The following PRKD3 variants were observed in gnomAD, a reference collection of about 807,000 sequenced individuals.
PRKD3 encodes protein kinase D3.
PRKD3 carries 47 observed loss-of-function variants against 99.2 expected under a neutral mutation model. The ratio of observed to expected loss-of-function variants is 0.47; its 90% CI spans 0.38 to 0.60. The LOEUF (loss-of-function observed/expected upper bound fraction) is 0.60. Ranked by LOEUF, PRKD3 falls within the 20% of genes least tolerant of loss-of-function variation. The pLI is 0.00. For missense variants in PRKD3, 1,019 were observed against 1,088.4 expected, an observed-to-expected ratio of 0.94 and a Z score of 0.90; for synonymous variants, 392 against 355.4, an observed-to-expected ratio of 1.10 and a Z score of -1.16.
intron 2 of PRKD3, among the ~76,000 whole-genome samples, chr2:37,310,127 C>G (rs918864474): frequency 6.6e-6 from 1 of 151,460 alleles, no homozygotes; most frequent in African/African-American, 2.4e-5. Flanking sequence ...TTCTATAAAG[C>G]ACAAATCAAA....
At chr2:37,257,667 A>C (rs1668075832) in intron 16 of PRKD3, among the ~76,000 whole-genome samples, 1 of 78,736 alleles carries the variant, frequency 1.3e-5, no homozygotes, top group African/African-American at 7.5e-5. Context: ...ACTCTGTCTC[A>C]AAAGAAAAAA....
chr2:37,315,377 G>C lies in PRKD3; in HGVS notation c.288+860C>G, dbSNP rs371605417. Among the ~76,000 whole-genome samples the C allele has an allele frequency of 6.8e-4, 103 of 152,198 alleles. 2 individuals are homozygous for C. The South Asian group carries it at 0.02, about 30-fold the overall frequency. On this transcript the variant is annotated intron_variant, in intron 2 of 18. Transcript: ENST00000234179. Reference sequence around the variant, plus strand: ...ACCCTGAATTTTCAAATATTTTGTCGTATATTCAAAATTAATTTACCTATT... The same window carrying C: ...ACCCTGAATTTTCAAATATTTTGTCCTATATTCAAAATTAATTTACCTATT...
At chr2:37,312,627 C>T (rs1671483864) in intron 2 of PRKD3, among the ~76,000 whole-genome samples, 1 of 152,120 alleles carries the variant, frequency 6.6e-6, no homozygotes, top group Non-Finnish European at 1.5e-5. Flanking sequence ...CTGAAGCAGT[C>T]TAGTGTTCTC....
chr2:37,289,298 C>T (rs1572670624), intron 5 of PRKD3, 58 bp downstream of exon 5: 7 of 1,556,582 alleles, frequency 4.5e-6, no homozygotes, highest in Non-Finnish European at 6.2e-6. Context: ...TGTCATACAC[C>T]CTGTAGAAAC....
intron 5 of PRKD3, among the ~76,000 whole-genome samples, chr2:37,287,430 T>C (rs921397994): frequency 6.6e-6 from 1 of 152,024 alleles, no homozygotes; most frequent in Admixed American, 6.6e-5. Context: ...CTCTGTCTCT[T>C]GTTTTTTTCT....
At chr2:37,306,702 G>C (rs553367045) in intron 2 of PRKD3, among the ~76,000 whole-genome samples, 91 of 152,220 alleles carry the variant, frequency 6.0e-4, no homozygotes, top group Admixed American at 4.8e-3. Context: ...CAGCTACTTA[G>C]GGAGGGTGAG....
chr2:37,314,495 G>A (rs6761897), intron 2 of PRKD3, among the ~76,000 whole-genome samples: 1,773 of 152,170 alleles, frequency 0.012, 27 homozygotes, highest in African/African-American at 0.041. Flanking sequence ...ACTGATTCTA[G>A]AATAATCCTG....
In PRKD3 at chr2:37,316,477, G is replaced by A; in HGVS notation, c.48C>T (p.Pro16=). 1 of 1,614,188 alleles carries A rather than the reference G, an allele frequency of 6.2e-7. No homozygotes were observed. The highest frequency in any genetic ancestry group is 8.5e-7 in the Non-Finnish European group (1 of 1,180,018). The change falls in exon 2 of 19, where the codon CCC becomes CCT. Residue 16 remains proline (P), a synonymous_variant. Coordinates refer to ENST00000234179, the MANE Select transcript of PRKD3 (RefSeq NM_005813.6). ...CTGGAAGCACAGCAGGAATAGCTGT[G>A]GGTAATACAGACTTCTGGGCTGATG... ...SPPSAQKSVL[P]TAIPAVLPAA...
chr2:37,286,168 TAATCC>T lies in PRKD3; in HGVS notation c.910+4_910+8del. 6.3e-7 allele frequency: 1 copy of T among 1,591,694 alleles called. No individual in the cohort carries two copies. Among genetic ancestry groups the T allele is most frequent in the South Asian group, 1.1e-5 (1 of 88,114 alleles). On this transcript the variant is annotated splice_donor_5th_base_variant and intron_variant, in intron 6 of 18. Coordinates refer to ENST00000234179, the MANE Select transcript of PRKD3 (RefSeq NM_005813.6). ...ATAAATTTTAATTAGGGAAAACACCTAATCCTACCTTTACACTGCATTCCTTGGCG... is the reference window on the plus strand; with the variant it reads ...ATAAATTTTAATTAGGGAAAACACCTTACCTTTACACTGCATTCCTTGGCG...
intron 7 of PRKD3, 66 bp from the exon 8 acceptor site, chr2:37,279,995 AAGTCTTAAG>A: frequency 9.1e-7 from 1 of 1,104,054 alleles, no homozygotes; most frequent in Non-Finnish European, 1.3e-6. Context: ...AATGTGAAAA[AAGTCTTAAG>A]AGTCTTAAAA....
Position 37,274,454 on chromosome 2 carries a change from CACTT to C in PRKD3, c.1614_1617del (p.Ser539PhefsTer67). 1.2e-6 allele frequency: 2 copies of C among 1,614,104 alleles called. No homozygotes were observed. Among genetic ancestry groups the C allele is most frequent in the Non-Finnish European group, 1.7e-6 (2 of 1,179,956 alleles). ...TTCCCTTGCCCTGGAGAAGTGCAAA[CACTT>C]GCTTGAGGAGTAACAGGCATGAGGG... is the stretch of plus-strand genomic sequence containing the variant. On this transcript the variant is annotated frameshift_variant, in exon 11 of 19. Coordinates refer to ENST00000234179, the MANE Select transcript of PRKD3 (RefSeq NM_005813.6). LOFTEE classifies it high-confidence loss of function.
intron 2 of PRKD3, among the ~76,000 whole-genome samples, chr2:37,311,621 G>T (rs1349940626): frequency 6.6e-6 from 1 of 152,148 alleles, no homozygotes; most frequent in African/African-American, 2.4e-5. Flanking sequence ...ATAATCAGCT[G>T]CAGACCTCTC....
chr2:37,286,273 G>C lies in PRKD3; in HGVS notation c.814C>G (p.His272Asp). The C allele has an allele frequency of 6.2e-7, 1 of 1,614,006 alleles. No individual in the cohort carries two copies. The highest frequency in any genetic ancestry group is 8.5e-7 in the Non-Finnish European group (1 of 1,179,884). Residue 272 changes from histidine to aspartate, a missense_variant, in exon 6 of 19, where the codon CAC becomes GAC. Around this residue, in one of 3 missense-constraint regions of PRKD3, gnomAD observed 710 missense variants for 692.7 expected, o/e 1.02. Transcript: ENST00000234179. ...KMVMCRVKVP[H>D]TFAVHSYTRP... Reference sequence around the variant, plus strand: ...GTGTAAGAGTGAACAGCAAATGTGTGTGGAACTTTCACTCTGCACATTACC... The same window carrying C: ...GTGTAAGAGTGAACAGCAAATGTGTCTGGAACTTTCACTCTGCACATTACC...
intron 2 of PRKD3, among the ~76,000 whole-genome samples, chr2:37,313,281 G>A (rs767590878): frequency 1.3e-5 from 2 of 151,904 alleles, no homozygotes; most frequent in Non-Finnish European, 2.9e-5. Context: ...AACAGGTGGT[G>A]GGCCAGATTC....
chr2:37,304,672 G>A (rs1303583895), intron 2 of PRKD3, among the ~76,000 whole-genome samples: 1 of 151,348 alleles, frequency 6.6e-6, no homozygotes, highest in African/African-American at 2.4e-5. Flanking sequence ...AACCTGGGAG[G>A]TGGAGGTTAC....
intron 16 of PRKD3, among the ~76,000 whole-genome samples, chr2:37,257,666 CAAAAG>C (rs1372020311): frequency 0.21 from 12,543 of 61,166 alleles, 939 homozygotes; most frequent in South Asian, 0.34. Flanking sequence ...GACTCTGTCT[CAAAAG>C]AAAAAAAAAA....
At chr2:37,278,049 G>A in intron 8 of PRKD3, 60 bp from the exon 9 acceptor site, 1 of 1,425,502 alleles carries the variant, frequency 7.0e-7, no homozygotes, top group Non-Finnish European at 9.5e-7. Flanking sequence ...TATAAATACT[G>A]TAGGAACATG....
chr2:37,316,814 A>G lies in PRKD3; in HGVS notation c.-290T>C. 1 of 1,198,092 alleles carries G rather than the reference A, an allele frequency of 8.3e-7. No homozygotes were observed. The highest frequency in any genetic ancestry group is 1.0e-6 in the Non-Finnish European group (1 of 964,504). The allele number at this position is 1,198,092 out of a possible 1,614,324, so 74.2% of individuals were successfully genotyped here. A position where few individuals can be genotyped will look rare whatever the true frequency, so the allele number is the denominator to read the frequency against. On this transcript the variant is annotated 5_prime_UTR_variant, in exon 2 of 19. Transcript: ENST00000234179. ...TTAACATCACTGAGCTATCCTCAGC[A>G]GGATAGAGTTGACGTAGCTTATTTA...
chr2:37,305,064 A>C (rs181075245), intron 2 of PRKD3, among the ~76,000 whole-genome samples: 11 of 152,332 alleles, frequency 7.2e-5, no homozygotes, highest in Admixed American at 1.3e-4. Flanking sequence ...GCAGGATGTC[A>C]CTAAGCTGCT....
Sources: gnomAD v4.1 joint callset for allele counts (sites outside exome capture counted in the v4.1 genomes callset) on GRCh38, gnomAD v4.1.1 for gene constraint, gnomAD v4.1.1 regional missense constraint, MANE v1.5 for transcripts, NCBI Gene and HGNC (gene_info 2026-07-23, HGNC 2026-07-21) for gene names.